The following CSGALNACT1 variants were observed in gnomAD, a reference collection of about 807,000 sequenced individuals.
CSGALNACT1 encodes chondroitin sulfate N-acetylgalactosaminyltransferase 1, also known as beta4GalNAcT-1.
In CSGALNACT1, 52 loss-of-function variants were observed where a neutral mutation model predicts 51.0. The observed-to-expected ratio is 1.02, with a 90% confidence interval of 0.82 to 1.29. CSGALNACT1 has a LOEUF of 1.29. Among genes scored for constraint, CSGALNACT1 ranks in the 50% most tolerant of loss-of-function variants. The pLI is 0.00. For synonymous variants in CSGALNACT1, 341 were observed against 254.4 expected (o/e 1.34, Z -3.24); for missense variants, 935 against 679.2 (o/e 1.38, Z -4.19).
chr8:19,537,492 A>T (rs4481614), intron 3 of CSGALNACT1, among the ~76,000 whole-genome samples: 16,573 of 152,216 alleles, frequency 0.11, 1,020 homozygotes, highest in African/African-American at 0.17. Context: ...ATTATTCAAT[A>T]TGTACATTTG....
chr8:19,473,799 T>C (rs1563600149), intron 4 of CSGALNACT1, among the ~76,000 whole-genome samples: 1 of 152,134 alleles, frequency 6.6e-6, no homozygotes. Flanking sequence ...TTGGGGAAAA[T>C]ATATATGTAT....
chr8:19,704,160 T>C (rs2062031380), intron 1 of CSGALNACT1, among the ~76,000 whole-genome samples: 1 of 152,216 alleles, frequency 6.6e-6, no homozygotes, highest in Non-Finnish European at 1.5e-5. Flanking sequence ...CTTCTCTCCC[T>C]CCTTTCCTCT....
chr8:19,579,128 C>T (rs554322868), intron 3 of CSGALNACT1, among the ~76,000 whole-genome samples: 1 of 152,264 alleles, frequency 6.6e-6, no homozygotes, highest in South Asian at 2.1e-4. Context: ...CATGAAAGTG[C>T]CATACTCAAA....
At chr8:19,463,836 C>A (rs998774532) in intron 4 of CSGALNACT1, among the ~76,000 whole-genome samples, 7 of 152,126 alleles carry the variant, frequency 4.6e-5, no homozygotes, top group African/African-American at 1.4e-4. Context: ...ACTCAATGGG[C>A]CAGGATCTAA....
At chr8:19,753,468 T>C (rs1377215616) in intron 1 of CSGALNACT1, among the ~76,000 whole-genome samples, 1 of 152,210 alleles carries the variant, frequency 6.6e-6, no homozygotes, top group Admixed American at 6.5e-5. Flanking sequence ...GGAAAACCAC[T>C]GGTAAGATTT....
chr8:19,603,953 T>C (rs144159205), upstream of CSGALNACT1, among the ~76,000 whole-genome samples: 4 of 152,348 alleles, frequency 2.6e-5, no homozygotes, highest in African/African-American at 4.8e-5. Context: ...CACAGTAACA[T>C]ACATCGAGCC....
rs370023672 is a variant in CSGALNACT1, at chr8:19,457,645, T to C, written c.851+781A>G. On this transcript the variant is annotated intron_variant, in intron 5 of 9. Transcript: ENST00000454498. The stretch of plus-strand genomic sequence containing the variant: ...AAGAAATAAAAAATCAGCTTGATCT[T>C]TCAAGATTTATAATTAGACAGTAGG... 94 of 1,282,216 alleles carry C rather than the reference T, an allele frequency of 7.3e-5. 1 individual carries two copies. In the African/African-American group the frequency reaches 1.2e-3, roughly 16 times the overall value. 79.4% of individuals were successfully genotyped at this position (1,282,216 alleles called of 1,614,324 possible).
chr8:19,534,590 A>G (rs2083395614), intron 3 of CSGALNACT1, among the ~76,000 whole-genome samples: 1 of 152,162 alleles, frequency 6.6e-6, no homozygotes, highest in South Asian at 2.1e-4. Flanking sequence ...TGCAGGTACC[A>G]TTCAGCCAGG....
intron 3 of CSGALNACT1, among the ~76,000 whole-genome samples, chr8:19,521,194 G>A (rs1179147058): frequency 6.6e-6 from 1 of 152,058 alleles, no homozygotes; most frequent in Admixed American, 6.6e-5. Context: ...AGACTCACAC[G>A]ATCAGAATTG....
At chr8:19,621,467 T>C (rs566269746) in intron 1 of CSGALNACT1, among the ~76,000 whole-genome samples, 1 of 152,282 alleles carries the variant, frequency 6.6e-6, no homozygotes, top group East Asian at 1.9e-4. Context: ...CTTGTTGATA[T>C]TTTCTTCTAA....
intron 3 of CSGALNACT1, among the ~76,000 whole-genome samples, chr8:19,590,785 G>C (rs566829448): frequency 6.6e-6 from 1 of 151,628 alleles, no homozygotes; most frequent in Admixed American, 6.6e-5. Context: ...ATGTAGCTGG[G>C]ATTACAGGTG....
chr8:19,713,267 G>C (rs757826561), intron 1 of CSGALNACT1, among the ~76,000 whole-genome samples: 3 of 152,188 alleles, frequency 2.0e-5, no homozygotes, highest in Non-Finnish European at 2.9e-5. Context: ...GATATAACTT[G>C]TTTGAAGGGC....
intron 1 of CSGALNACT1, among the ~76,000 whole-genome samples, chr8:19,701,742 C>T (rs182699913): frequency 2.6e-5 from 4 of 152,094 alleles, no homozygotes; most frequent in Non-Finnish European, 5.9e-5. Flanking sequence ...CGTACTGAAG[C>T]CCAGAAAGTT....
chr8:19,632,642 G>C (rs904033475), intron 1 of CSGALNACT1, among the ~76,000 whole-genome samples: 3 of 152,208 alleles, frequency 2.0e-5, no homozygotes, highest in African/African-American at 7.2e-5. Context: ...TCGAACATAA[G>C]AAACTTCAAG....
chr8:19,509,508 G>C (rs1215705036), intron 3 of CSGALNACT1, among the ~76,000 whole-genome samples: 2 of 151,280 alleles, frequency 1.3e-5, no homozygotes, highest in Admixed American at 1.3e-4. Context: ...TGTAATCCTA[G>C]CTAATGTGGA....
intron 4 of CSGALNACT1, among the ~76,000 whole-genome samples, chr8:19,482,306 A>G (rs1176387899): frequency 2.0e-5 from 3 of 152,220 alleles, no homozygotes; most frequent in Admixed American, 2.0e-4. Flanking sequence ...ATTTTTGTTT[A>G]AAATAAGCAC....
At chr8:19,588,891 T>C (rs2047218020) in intron 3 of CSGALNACT1, among the ~76,000 whole-genome samples, 1 of 152,198 alleles carries the variant, frequency 6.6e-6, no homozygotes, top group Non-Finnish European at 1.5e-5. Flanking sequence ...CATTAAGTAC[T>C]GGATTGGAGC....
At chr8:19,404,972 G>C (rs958036000) in exon 10 of CSGALNACT1, 13 of 453,950 alleles carry the variant, frequency 2.9e-5, no homozygotes, top group Non-Finnish European at 5.3e-5. Context: ...GACAGAATCA[G>C]CATTTGGCAT....
intron 9 of CSGALNACT1, among the ~76,000 whole-genome samples, chr8:19,407,138 G>A (rs1048364235): frequency 6.6e-6 from 1 of 152,190 alleles, no homozygotes; most frequent in Non-Finnish European, 1.5e-5. Context: ...ACCACTCAGA[G>A]ACCTGCATCC....
Sources: allele counts gnomAD v4.1 joint callset (sites outside exome capture counted in the v4.1 genomes callset), GRCh38; gene constraint gnomAD v4.1.1; transcripts MANE v1.5; gene names NCBI Gene and HGNC (gene_info 2026-07-23, HGNC 2026-07-21).